Variants in KDM3A observed in about 807,000 individuals in gnomAD.
KDM3A encodes the protein lysine demethylase 3A.
Under a neutral mutation model 158.0 loss-of-function variants are expected in KDM3A, and 60 were observed. The observed-to-expected ratio is 0.38, with a 90% CI of 0.31 to 0.47. The LOEUF is 0.47. KDM3A is among the 20% of genes least tolerant of loss of function. The probability of loss-of-function intolerance (pLI) is 0.99; values close to 1 mark genes in which losing one functional copy is unlikely to be tolerated. For missense variants in KDM3A, 1,319 were observed against 1,574.3 expected (o/e 0.84, Z 2.74); for synonymous variants, 608 against 549.3 (o/e 1.11, Z -1.49).
chr2:86,462,970 A>C (rs950317724), intron 8 of KDM3A, among the ~76,000 whole-genome samples: 17 of 152,152 alleles, frequency 1.1e-4, no homozygotes, highest in African/African-American at 3.6e-4. Flanking sequence ...ACATGCCTGT[A>C]ATCCCAGCTA....
chr2:86,451,198 T>C lies in KDM3A; in HGVS notation c.438T>C (p.Leu146=), dbSNP rs201247647. The change falls in exon 4 of 26, where the codon CTT becomes CTC. Residue 146 remains leucine, a synonymous_variant. Transcript: ENST00000312912. Reference sequence around the variant, plus strand: ...AAAGAGTATTTCTTTCTAAAGACCTTTTGAAGCCTATACAGGTAAAACATA... The same window carrying C: ...AAAGAGTATTTCTTTCTAAAGACCTCTTGAAGCCTATACAGGTAAAACATA... ...DQQRVFLSKD[L]LKPIQDVNSL... is the part of the protein sequence containing the mutation. 6.2e-7 allele frequency: 1 copy of C among 1,604,264 alleles called. No individual in the cohort carries two copies.
intron 2 of KDM3A, 30 bp from the exon 3 acceptor site, chr2:86,449,777 T>C (rs1295893440): frequency 3.2e-6 from 5 of 1,574,858 alleles, no homozygotes; most frequent in Non-Finnish European, 4.3e-6. Context: ...TTGAATCTGC[T>C]TCCCCCACCC....
chr2:86,484,277 A>G, intron 19 of KDM3A, 119 bp downstream of exon 19: 2 of 790,184 alleles, frequency 2.5e-6, no homozygotes, highest in South Asian at 3.6e-5. Flanking sequence ...TGGAGTTTAA[A>G]ATTAACGTCT....
chr2:86,484,579 C>T (rs893655055), intron 19 of KDM3A: 1 of 249,840 alleles, frequency 4.0e-6, no homozygotes, highest in African/African-American at 2.3e-5. Context: ...TGAAATACCA[C>T]CTACATGCAG....
At chr2:86,452,991 G>A (rs1431679166) in intron 4 of KDM3A, among the ~76,000 whole-genome samples, 1 of 152,100 alleles carries the variant, frequency 6.6e-6, no homozygotes, top group Non-Finnish European at 1.5e-5. Flanking sequence ...ATAACATACA[G>A]GGGGGTTGTG....
intron 5 of KDM3A, among the ~76,000 whole-genome samples, chr2:86,455,985 A>G (rs1016674458): frequency 1.3e-5 from 2 of 151,740 alleles, no homozygotes; most frequent in Non-Finnish European, 2.9e-5. Flanking sequence ...AAAAGAAAAA[A>G]GATATTTTTA....
chr2:86,483,017 G>A (rs1674013896), intron 18 of KDM3A: 3 of 306,020 alleles, frequency 9.8e-6, no homozygotes, highest in Non-Finnish European at 1.8e-5. Context: ...AGGCTGATGG[G>A]ATTTGGGAGA....
intron 8 of KDM3A, among the ~76,000 whole-genome samples, chr2:86,458,863 A>G (rs1672812934): frequency 6.6e-6 from 1 of 152,140 alleles, no homozygotes; most frequent in Non-Finnish European, 1.5e-5. Context: ...TAAGCTCTGT[A>G]GATGATGGAT....
At chr2:86,476,358 C>T (rs1573192975) in intron 12 of KDM3A, among the ~76,000 whole-genome samples, 2 of 141,156 alleles carry the variant, frequency 1.4e-5, no homozygotes, top group Admixed American at 7.1e-5. Context: ...ATGTTTTTTT[C>T]ATATAGAAAA....
intron 1 of KDM3A, 23 bp from the exon 2 acceptor site, chr2:86,441,995 A>T: frequency 1.4e-6 from 2 of 1,395,298 alleles, no homozygotes; most frequent in African/African-American, 1.5e-5. Context: ...CCCCCGTCGC[A>T]TTTTGTTTTT....
intron 21 of KDM3A, chr2:86,489,047 C>G: frequency 2.9e-6 from 1 of 349,198 alleles, no homozygotes; most frequent in Non-Finnish European, 5.3e-6. Context: ...CCTGAGCTCA[C>G]TTGATCTAGC....
rs777518063 is a variant in KDM3A, at chr2:86,451,197, T to C, written c.437T>C (p.Leu146Pro). The C allele has an allele frequency of 6.2e-7, 1 of 1,602,930 alleles. No homozygotes were observed. Among genetic ancestry groups the C allele is most frequent in the Non-Finnish European group, 8.5e-7 (1 of 1,173,872 alleles). Residue 146 changes from leucine (L) to proline (P), a missense_variant, in exon 4 of 26, where the codon CTT becomes CCT. By Grantham distance (98) the Leu-to-Pro change is moderately conservative (BLOSUM62 -3). Coordinates refer to ENST00000312912, the MANE Select transcript of KDM3A (RefSeq NM_018433.6). The stretch of plus-strand genomic sequence containing the variant: ...CAAAGAGTATTTCTTTCTAAAGACC[T>C]TTTGAAGCCTATACAGGTAAAACAT... Reference protein sequence around the residue: ...DQQRVFLSKDLLKPIQDVNSL... With the variant: ...DQQRVFLSKDPLKPIQDVNSL...
chr2:86,488,614 T>C (rs1674301685), intron 21 of KDM3A: 1 of 152,234 alleles, frequency 6.6e-6, no homozygotes, highest in Non-Finnish European at 1.5e-5. Context: ...ATGGGGCGTT[T>C]TCAGAGGCTG....
At chr2:86,479,865 A>G (rs1470513353) in intron 15 of KDM3A, 1 of 296,958 alleles carries the variant, frequency 3.4e-6, no homozygotes, top group Non-Finnish European at 6.3e-6. Context: ...GACAGGCACA[A>G]ACTGGTCATT....
chr2:86,447,560 C>T (rs2104625426), intron 2 of KDM3A, among the ~76,000 whole-genome samples: 1 of 151,880 alleles, frequency 6.6e-6, no homozygotes, highest in East Asian at 1.9e-4. Context: ...TTGAATTAAC[C>T]ATGGAGGTAT....
At chr2:86,475,421 G>C (rs78291035) in intron 12 of KDM3A, among the ~76,000 whole-genome samples, 1 of 152,196 alleles carries the variant, frequency 6.6e-6, no homozygotes, top group Non-Finnish European at 1.5e-5. Context: ...TTGAGAATGA[G>C]AACAGGTTCA....
chr2:86,478,353 A>T, intron 14 of KDM3A, 88 bp downstream of exon 14: 1 of 1,017,660 alleles, frequency 9.8e-7, no homozygotes, highest in Non-Finnish European at 1.5e-6. Flanking sequence ...ATTACTCGTT[A>T]AGTTTATTTT....
chr2:86,471,285 ATATG>A (rs984928638), intron 11 of KDM3A, among the ~76,000 whole-genome samples: 2 of 133,598 alleles, frequency 1.5e-5, no homozygotes, highest in Non-Finnish European at 3.1e-5. Flanking sequence ...ATGTGTGTAT[ATATG>A]TATATATGTG....
At chr2:86,479,127 G>A (rs1421889871) in intron 15 of KDM3A, 4 of 155,342 alleles carry the variant, frequency 2.6e-5, no homozygotes, top group Non-Finnish European at 5.7e-5. Context: ...TTTTGCCTGT[G>A]TTTATGCAGA....
Sources: allele counts gnomAD v4.1 joint callset (sites outside exome capture counted in the v4.1 genomes callset), GRCh38; gene constraint gnomAD v4.1.1; transcripts MANE v1.5; gene names NCBI Gene and HGNC (gene_info 2026-07-23, HGNC 2026-07-21).